KIF15: variants seen among roughly 807,000 people sequenced by gnomAD.
KIF15 encodes kinesin family member 15.
A neutral mutation model predicts 190.6 loss-of-function variants in KIF15; 140 were observed. The ratio of observed to expected loss-of-function variants is 0.73; its 90% CI spans 0.64 to 0.84. The LOEUF (loss-of-function observed/expected upper bound fraction) is 0.84. Ranked by LOEUF, KIF15 falls within the 40% of genes least tolerant of loss-of-function variation. The pLI is 0.00. For synonymous variants in KIF15, 528 were observed against 551.3 expected (o/e 0.96, Z 0.59); for missense variants, 1,372 against 1,584.4 (o/e 0.87, Z 2.28).
chr3:44,856,935 G>A (rs1387522953), downstream of KIF15, among the ~76,000 whole-genome samples: 1 of 152,112 alleles, frequency 6.6e-6, no homozygotes, highest in East Asian at 1.9e-4. Flanking sequence ...CAGTGAGTTC[G>A]GCTTGCTGAG....
chr3:44,792,785 A>G (rs185267331), intron 7 of KIF15, among the ~76,000 whole-genome samples: 215 of 152,202 alleles, frequency 1.4e-3, no homozygotes, highest in African/African-American at 4.9e-3. Context: ...TGACCTCATG[A>G]TCCACCCACC....
intron 26 of KIF15, among the ~76,000 whole-genome samples, chr3:44,835,418 T>G (rs534701847): frequency 6.6e-6 from 1 of 152,198 alleles, no homozygotes; most frequent in South Asian, 2.1e-4. Context: ...TTTTGGTATT[T>G]TTTTGTAGAG....
At chr3:44,854,674 C>T (rs1329217964), downstream of KIF15, among the ~76,000 whole-genome samples, 1 of 152,112 alleles carries the variant, frequency 6.6e-6, no homozygotes, top group Non-Finnish European at 1.5e-5. Context: ...TGGCTTAAAA[C>T]AACAGAAATC....
At chr3:44,864,228 T>C (rs746303010) in intron 6 of KIF15, 2 of 1,614,184 alleles carry the variant, frequency 1.2e-6, no homozygotes, top group Non-Finnish European at 1.7e-6. Flanking sequence ...TTAGGCATTA[T>C]TGTGATGGCG....
Position 44,813,112 on chromosome 3 carries a change from A to G in KIF15, c.2315A>G (p.Gln772Arg). Residue 772 changes from glutamine to arginine, a missense_variant, in exon 19 of 35, where the codon CAG (glutamine) becomes CGG (arginine). By Grantham distance (43) the Gln-to-Arg change is conservative (BLOSUM62 1). Transcript: ENST00000326047. The stretch of plus-strand genomic sequence containing the variant: ...GAAAGAATTGATTGGACCAAACAGC[A>G]GGAAGAGCTTCTCTCACAGTTGAAT... Reference protein sequence around the residue: ...SSERIDWTKQQEELLSQLNVL... With the variant: ...SSERIDWTKQREELLSQLNVL... 1 of 1,595,670 alleles carries G rather than the reference A, an allele frequency of 6.3e-7. No individual in the cohort carries two copies. The highest frequency in any genetic ancestry group is 1.4e-5 in the African/African-American group (1 of 73,714).
At chr3:44,770,756 A>C (rs1419840263) in intron 1 of KIF15, among the ~76,000 whole-genome samples, 1 of 152,250 alleles carries the variant, frequency 6.6e-6, no homozygotes, top group Non-Finnish European at 1.5e-5. Context: ...ATTCTGGAGA[A>C]GCCAGGCAGA....
rs539881841 is a variant in KIF15, at chr3:44,800,291, C to G, written c.1099-23C>G. ...CTACTCAAAAAGCATTATTTTAATG[C>G]TTTTTAAAAAATTCCTGAACAGGCA... On this transcript the variant is annotated intron_variant, in intron 10 of 34. Transcript: ENST00000326047. 6.8e-6 allele frequency: 11 copies of G among 1,611,178 alleles called. No individual in the cohort carries two copies. In the African/African-American group the frequency reaches 9.4e-5, roughly 14 times the overall value.
Position 44,847,869 on chromosome 3 carries a change from C to G in KIF15, c.3696-116C>G, listed in dbSNP as rs1180489562. On this transcript the variant is annotated intron_variant, in intron 30 of 34. Transcript: ENST00000326047. ...TTGACCCAATCACAATAGAGTTAGC[C>G]TTTCTTTGTACACCTTGGCATTGCT... is the stretch of plus-strand genomic sequence containing the variant. 3 of 712,964 alleles carry G rather than the reference C, an allele frequency of 4.2e-6. No homozygotes were observed. In the African/African-American group the frequency reaches 5.4e-5, roughly 13 times the overall value. 44.2% of individuals were successfully genotyped at this position (712,964 alleles called of 1,614,324 possible). A position where few individuals can be genotyped will look rare whatever the true frequency, so the allele number is the denominator to read the frequency against.
intron 6 of KIF15, among the ~76,000 whole-genome samples, chr3:44,861,104 G>A (rs142877305): frequency 0.024 from 3,613 of 152,210 alleles, 56 homozygotes; most frequent in Non-Finnish European, 0.036. Flanking sequence ...CGCTTCTCCT[G>A]CCTCGGCCTC....
chr3:44,801,822 A>G lies in KIF15; in HGVS notation c.1357A>G (p.Ile453Val). Residue 453 changes from isoleucine (I) to valine (V), a missense_variant, in exon 13 of 35, where the codon ATT becomes GTT. Coordinates refer to ENST00000326047, the MANE Select transcript of KIF15 (RefSeq NM_020242.3). The stretch of plus-strand genomic sequence containing the variant: ...CCTCACCCTCAAAAAGGAAAAATTT[A>G]TTCAATCTAATAAAATGATTGTGAA... Reference protein sequence around the residue: ...EDLTLKKEKFIQSNKMIVKFR... With the variant: ...EDLTLKKEKFVQSNKMIVKFR... The G allele has an allele frequency of 6.2e-7, 1 of 1,609,268 alleles. No homozygotes were observed. The highest frequency in any genetic ancestry group is 8.5e-7 in the Non-Finnish European group (1 of 1,176,332).
chr3:44,797,521 A>G, intron 8 of KIF15, 30 bp from the exon 9 acceptor site: 1 of 1,606,742 alleles, frequency 6.2e-7, no homozygotes, highest in South Asian at 1.1e-5. Context: ...AACGTACCTA[A>G]ATTTTTGTTC....
chr3:44,787,239 C>T (rs532351872), intron 7 of KIF15, among the ~76,000 whole-genome samples: 1 of 152,218 alleles, frequency 6.6e-6, no homozygotes, highest in East Asian at 1.9e-4. Context: ...AATAGGATAC[C>T]TGTCCTCCCT....
chr3:44,853,439 GTCCA>G (rs1699130860), downstream of KIF15, among the ~76,000 whole-genome samples: 2 of 152,090 alleles, frequency 1.3e-5, no homozygotes, highest in African/African-American at 4.8e-5. Context: ...ATGCTACACT[GTCCA>G]TCCAACAGCT....
intron 20 of KIF15, among the ~76,000 whole-genome samples, chr3:44,822,624 A>G (rs563252983): frequency 5.9e-5 from 9 of 152,166 alleles, no homozygotes; most frequent in South Asian, 2.1e-4. Flanking sequence ...CATTATCCCC[A>G]TCACTTTCAG....
chr3:44,830,274 G>A (rs1265846576), intron 25 of KIF15, among the ~76,000 whole-genome samples, 199 bp downstream of exon 25: 1 of 152,182 alleles, frequency 6.6e-6, no homozygotes, highest in East Asian at 1.9e-4. Flanking sequence ...ATGTATCTCT[G>A]GGGGACAATG....
chr3:44,848,058 G>A lies in KIF15; in HGVS notation c.3768+1G>A. 6.3e-7 allele frequency: 1 copy of A among 1,585,228 alleles called. No homozygotes were observed. The highest frequency in any genetic ancestry group is 8.6e-7 in the Non-Finnish European group (1 of 1,156,274). On this transcript the variant is annotated splice_donor_variant, in intron 31 of 34. Transcript: ENST00000326047. LOFTEE classifies it high-confidence loss of function. The stretch of plus-strand genomic sequence containing the variant: ...AAGTATCAAAGAAAGACTTGCAAAA[G>A]TAAGATTTTTTTTTATGTAATAGTT...
rs578117091 is a variant in KIF15, at chr3:44,793,291, A to T, written c.640-926A>T. On this transcript the variant is annotated intron_variant, in intron 7 of 34. Coordinates refer to ENST00000326047, the MANE Select transcript of KIF15 (RefSeq NM_020242.3). ...GAGCCTGCATTCTGAACTTTCATGT[A>T]TCCTGCTTGCCATAGGGAATAGAAG... Among the ~76,000 whole-genome samples the T allele has an allele frequency of 1.4e-3, 214 of 152,296 alleles. 8 individuals carry two copies. In the South Asian group the frequency reaches 0.043, roughly 31 times the overall value.
intron 26 of KIF15, among the ~76,000 whole-genome samples, chr3:44,834,093 T>C (rs908779766): frequency 1.3e-5 from 2 of 152,244 alleles, no homozygotes; most frequent in Non-Finnish European, 2.9e-5. Flanking sequence ...GTATTTAGAT[T>C]TAAATATCGT....
chr3:44,794,524 C>A, intron 8 of KIF15, 98 bp downstream of exon 8: 1 of 859,604 alleles, frequency 1.2e-6, no homozygotes, highest in Non-Finnish European at 1.8e-6. Context: ...TGAGGAACTG[C>A]ATTTATGATG....
Sources: gnomAD v4.1 joint callset for allele counts (sites outside exome capture counted in the v4.1 genomes callset) on GRCh38, gnomAD v4.1.1 for gene constraint, MANE v1.5 for transcripts, NCBI Gene and HGNC (gene_info 2026-07-23, HGNC 2026-07-21) for gene names.